The following NPSR1 variants were observed in gnomAD, a reference collection of about 807,000 sequenced individuals.
NPSR1 encodes neuropeptide S receptor.
Under a neutral mutation model 46.9 loss-of-function variants are expected in NPSR1, and 48 were observed. That is an observed-to-expected ratio of 1.02 (90% CI 0.81 to 1.30). The LOEUF (loss-of-function observed/expected upper bound fraction) is 1.30, where lower values mean the gene tolerates loss of function less well. NPSR1 is among the 50% of genes most tolerant of loss of function. NPSR1 has a pLI of 0.00. For synonymous variants in NPSR1, 176 were observed against 168.1 expected (o/e 1.05, Z -0.36); for missense variants, 450 against 449.5 (o/e 1.00, Z -0.01).
At chr7:34,790,171 C>T (rs1181378511) in intron 3 of NPSR1, among the ~76,000 whole-genome samples, 1 of 152,130 alleles carries the variant, frequency 6.6e-6, no homozygotes, top group South Asian at 2.1e-4. Flanking sequence ...ATATTATTCA[C>T]CATGATTAAG....
intron 2 of NPSR1, chr7:34,761,163 G>A (rs1786155461): frequency 6.5e-6 from 1 of 152,724 alleles, no homozygotes; most frequent in Non-Finnish European, 1.5e-5. Context: ...ACAGAGTCAG[G>A]TATACAAAAA....
At chr7:34,867,534 A>G (rs1336526108) in intron 8 of NPSR1, among the ~76,000 whole-genome samples, 2 of 151,862 alleles carry the variant, frequency 1.3e-5, no homozygotes, top group African/African-American at 2.4e-5. Flanking sequence ...GGCCAGTAAC[A>G]TCAGAGGGCC....
At chr7:34,737,807 A>AC (rs780099012) in intron 2 of NPSR1, among the ~76,000 whole-genome samples, 5 of 152,122 alleles carry the variant, frequency 3.3e-5, no homozygotes, top group Non-Finnish European at 7.3e-5. Context: ...CTTCTTCTGT[A>AC]CTTAGGGACA....
intron 4 of NPSR1, among the ~76,000 whole-genome samples, chr7:34,812,776 TAAAG>T (rs1789051711): frequency 6.6e-6 from 1 of 152,102 alleles, no homozygotes; most frequent in Admixed American, 6.6e-5. Context: ...CGAAAACTGA[TAAAG>T]AACCTAACAA....
chr7:34,683,749 A>G (rs1217844636), intron 1 of NPSR1, among the ~76,000 whole-genome samples: 1 of 152,090 alleles, frequency 6.6e-6, no homozygotes, highest in Non-Finnish European at 1.5e-5. Flanking sequence ...TGCAATAACT[A>G]ATCCACTCCC....
chr7:34,682,591 T>A (rs1473477597), intron 1 of NPSR1, among the ~76,000 whole-genome samples: 2 of 152,116 alleles, frequency 1.3e-5, no homozygotes, highest in Non-Finnish European at 2.9e-5. Context: ...ATCACTTGTT[T>A]ATGTCCCACT....
intron 2 of NPSR1, among the ~76,000 whole-genome samples, chr7:34,774,350 G>T (rs1451212264): frequency 6.6e-6 from 1 of 152,196 alleles, no homozygotes; most frequent in Non-Finnish European, 1.5e-5. Flanking sequence ...GGAGGCATCT[G>T]TGCTACTTGC....
chr7:34,840,511 A>C (rs942026624), intron 6 of NPSR1, among the ~76,000 whole-genome samples: 2 of 152,212 alleles, frequency 1.3e-5, no homozygotes, highest in South Asian at 4.1e-4. Context: ...TCCTGGCAGA[A>C]GAACTTGGAG....
Position 34,790,717 on chromosome 7 carries a change from A to ATATATGT in NPSR1, c.384+12172_384+12178dup, listed in dbSNP as rs1471586677. Among the ~76,000 whole-genome samples, 7 of 127,898 alleles carry ATATATGT rather than the reference A, an allele frequency of 5.5e-5. 1 individual carries two copies. The highest frequency in any genetic ancestry group is 4.8e-4 in the South Asian group (2 of 4,194). The allele number at this position is 127,898 out of a possible 152,430, so 83.9% of individuals were successfully genotyped here. A position where few individuals can be genotyped will look rare whatever the true frequency, so the allele number is the denominator to read the frequency against. On this transcript the variant is annotated intron_variant, in intron 3 of 8. Coordinates refer to ENST00000360581, the MANE Select transcript of NPSR1 (RefSeq NM_207172.2). The stretch of plus-strand genomic sequence containing the variant: ...TAATATATGTTCTATGTTATATATA[A>ATATATGT]TATATGTTATATGTTATATGTTATA...
At chr7:34,745,749 A>C (rs1785172201) in intron 2 of NPSR1, among the ~76,000 whole-genome samples, 1 of 152,170 alleles carries the variant, frequency 6.6e-6, no homozygotes, top group Non-Finnish European at 1.5e-5. Context: ...CCTGGTCACA[A>C]ACAGTCCTCC....
chr7:34,694,988 G>A (rs577580286), intron 2 of NPSR1, among the ~76,000 whole-genome samples: 3 of 152,264 alleles, frequency 2.0e-5, no homozygotes, highest in African/African-American at 7.2e-5. Context: ...GATTACAGGT[G>A]TGAACCACCG....
chr7:34,781,980 G>T (rs1417701378), intron 3 of NPSR1, among the ~76,000 whole-genome samples: 1 of 152,126 alleles, frequency 6.6e-6, no homozygotes, highest in Admixed American at 6.6e-5. Flanking sequence ...TCTCATTCTT[G>T]TCTCCTTGAC....
intron 8 of NPSR1, among the ~76,000 whole-genome samples, chr7:34,866,462 A>C (rs1442524350): frequency 6.6e-6 from 1 of 151,622 alleles, no homozygotes; most frequent in African/African-American, 2.4e-5. Context: ...ATTCACAGAG[A>C]TATCTCAGAA....
chr7:34,707,673 C>T (rs1475110004), intron 2 of NPSR1, among the ~76,000 whole-genome samples: 3 of 152,294 alleles, frequency 2.0e-5, no homozygotes, highest in East Asian at 1.9e-4. Context: ...CTTTCATCAT[C>T]GAAAGCTCAG....
intron 2 of NPSR1, among the ~76,000 whole-genome samples, chr7:34,709,210 C>T (rs186830662): frequency 9.5e-4 from 145 of 152,210 alleles, no homozygotes; most frequent in Non-Finnish European, 1.5e-3. Context: ...CTTTTAGGAT[C>T]CCCAGGAATA....
At chr7:34,723,530 T>G (rs975618200) in intron 2 of NPSR1, 1 of 151,086 alleles carries the variant, frequency 6.6e-6, no homozygotes, top group African/African-American at 2.4e-5. Flanking sequence ...AATAAATAAA[T>G]AAATAAATAA....
chr7:34,810,946 AG>A (rs2128750707), intron 3 of NPSR1, among the ~76,000 whole-genome samples: 1 of 152,276 alleles, frequency 6.6e-6, no homozygotes, highest in East Asian at 1.9e-4. Flanking sequence ...CTCTCTGTTC[AG>A]CTTCCTCAAG....
chr7:34,672,256 A>G (rs955940252), intron 1 of NPSR1, among the ~76,000 whole-genome samples: 1 of 152,178 alleles, frequency 6.6e-6, no homozygotes, highest in African/African-American at 2.4e-5. Flanking sequence ...GTGGTTTGCT[A>G]TATTATGGGA....
intron 8 of NPSR1, among the ~76,000 whole-genome samples, chr7:34,876,356 C>T (rs1362944194): frequency 2.6e-5 from 4 of 152,160 alleles, no homozygotes; most frequent in Non-Finnish European, 5.9e-5. Flanking sequence ...CATGCAGATG[C>T]TGATATTAGC....
Sources: allele counts gnomAD v4.1 joint callset (sites outside exome capture counted in the v4.1 genomes callset), GRCh38; gene constraint gnomAD v4.1.1; transcripts MANE v1.5; gene names NCBI Gene and HGNC (gene_info 2026-07-23, HGNC 2026-07-21).